Variants in EIF2AK3 observed in about 807,000 individuals in gnomAD.
EIF2AK3 encodes eukaryotic translation initiation factor 2 alpha kinase 3.
Under a neutral mutation model 113.5 loss-of-function variants are expected in EIF2AK3, and 50 were observed. That is an observed-to-expected ratio of 0.44 (90% CI 0.35 to 0.56). The LOEUF is 0.56. EIF2AK3 is among the 20% of genes least tolerant of loss of function. The pLI is 0.00. For missense variants in EIF2AK3, 1,185 were observed against 1,378.0 expected (o/e 0.86, Z 2.22); for synonymous variants, 448 against 495.4 (o/e 0.90, Z 1.27).
rs557021903 is a variant in EIF2AK3, at chr2:88,624,456, T to G, written c.308+2511A>C. 3.9e-5 allele frequency among the ~76,000 whole-genome samples: 6 copies of G among 152,200 alleles called. No individual in the cohort carries two copies. In the South Asian group the frequency reaches 1.2e-3, roughly 31 times the overall value. On this transcript the variant is annotated intron_variant, in intron 1 of 16. Coordinates refer to ENST00000303236, the MANE Select transcript of EIF2AK3 (RefSeq NM_004836.7). ...CAATTTGAGTATTGTCTCTGCTGCT[T>G]CATTTAAACTCTTTAAGTGTGCTCA...
intron 6 of EIF2AK3, 125 bp downstream of exon 6, chr2:88,590,316 AAC>A: frequency 1.1e-6 from 1 of 923,420 alleles, no homozygotes; most frequent in Non-Finnish European, 1.7e-6. Context: ...TCTCAAGGGC[AAC>A]GTACATCAGA....
chr2:88,587,873 G>A (rs1301492757), intron 8 of EIF2AK3, 109 bp downstream of exon 8: 1 of 748,252 alleles, frequency 1.3e-6, no homozygotes, highest in Non-Finnish European at 2.0e-6. Context: ...TCATGAAATT[G>A]TCTCCCAAGA....
At chr2:88,557,986 G>C in intron 16 of EIF2AK3, 50 bp from the exon 17 acceptor site, 1 of 1,567,422 alleles carries the variant, frequency 6.4e-7, no homozygotes, top group Non-Finnish European at 8.8e-7. Flanking sequence ...TTTGATCACT[G>C]TACAGTTTTT....
intron 6 of EIF2AK3, 103 bp downstream of exon 6, chr2:88,590,340 G>T: frequency 1.8e-6 from 2 of 1,141,738 alleles, no homozygotes; most frequent in Non-Finnish European, 2.6e-6. Context: ...ATGATATTAG[G>T]ATTTAAAACT....
chr2:88,613,976 C>T lies in EIF2AK3; in HGVS notation c.309-123G>A, dbSNP rs368227408. 4.9e-6 allele frequency: 4 copies of T among 809,362 alleles called. No individual in the cohort carries two copies. The Admixed American group carries it at 9.5e-5, about 19-fold the overall frequency. 50.1% of individuals were successfully genotyped at this position (809,362 alleles called of 1,614,324 possible). A position where few individuals can be genotyped will look rare whatever the true frequency, so the allele number is the denominator to read the frequency against. ...CTATTCGTAGAAAGGAAGAGGGGGC[C>T]TTCTACCACTCTTGCCACCACTGTC... On this transcript the variant is annotated intron_variant, in intron 1 of 16. Coordinates refer to ENST00000303236, the MANE Select transcript of EIF2AK3 (RefSeq NM_004836.7).
Position 88,611,830 on chromosome 2 carries a change from G to A in EIF2AK3, c.438+1894C>T, listed in dbSNP as rs553921800. Reference sequence around the variant, plus strand: ...TATTTAGACGGGGTTTTACTATGTTGGCCAGGCTGGTCTCAAACTCCTGAC... The same window carrying A: ...TATTTAGACGGGGTTTTACTATGTTAGCCAGGCTGGTCTCAAACTCCTGAC... On this transcript the variant is annotated intron_variant, in intron 2 of 16. Transcript: ENST00000303236. 2.0e-5 allele frequency among the ~76,000 whole-genome samples: 3 copies of A among 152,132 alleles called. No homozygotes were observed. In the South Asian group the frequency reaches 6.2e-4, roughly 32 times the overall value.
chr2:88,606,085 G>A (rs1181334763), intron 2 of EIF2AK3, among the ~76,000 whole-genome samples: 2 of 152,152 alleles, frequency 1.3e-5, no homozygotes, highest in Non-Finnish European at 2.9e-5. Flanking sequence ...CAAGAGCAGA[G>A]AAATATCAAG....
intron 1 of EIF2AK3, among the ~76,000 whole-genome samples, chr2:88,620,507 T>G (rs1483330185): frequency 6.6e-6 from 1 of 152,240 alleles, no homozygotes; most frequent in Non-Finnish European, 1.5e-5. Flanking sequence ...GCAAAGGAAC[T>G]TCACTTTTTA....
chr2:88,562,276 G>A lies in EIF2AK3; in HGVS notation c.3087+13C>T. ...TGTTTGAAACTTTTTTTTTGAGTAG[G>A]GAGGGTACTTACCCTGACTCTCTCC... is the stretch of plus-strand genomic sequence containing the variant. On this transcript the variant is annotated intron_variant, in intron 15 of 16. Transcript: ENST00000303236. 1 of 1,601,046 alleles carries A rather than the reference G, an allele frequency of 6.2e-7. No homozygotes were observed. Among genetic ancestry groups the A allele is most frequent in the Middle Eastern group, 1.7e-4 (1 of 6,036 alleles).
chr2:88,560,215 G>A (rs1388603367), intron 15 of EIF2AK3, among the ~76,000 whole-genome samples: 1 of 152,150 alleles, frequency 6.6e-6, no homozygotes, highest in African/African-American at 2.4e-5. Flanking sequence ...GCCCAACGAT[G>A]TTGAGCATCT....
intron 15 of EIF2AK3, among the ~76,000 whole-genome samples, chr2:88,559,603 G>GGA (rs147739928): frequency 4.3e-4 from 65 of 150,024 alleles, no homozygotes; most frequent in Admixed American, 1.5e-3. Context: ...AAGAGAAAGG[G>GGA]GAGAGAGAGA....
chr2:88,609,722 TC>T (rs1232441263), intron 2 of EIF2AK3, among the ~76,000 whole-genome samples: 4 of 152,120 alleles, frequency 2.6e-5, no homozygotes, highest in Admixed American at 2.6e-4. Flanking sequence ...GTAGACATTT[TC>T]TAAAAAATGA....
At position 88,590,489 on chromosome 2, in the gene EIF2AK3, GTCT is replaced by G. The variant is rs1399239293; in HGVS notation, c.1116_1118del (p.Glu372del). The G allele has an allele frequency of 6.2e-7, 1 of 1,613,732 alleles. No individual in the cohort carries two copies. Among genetic ancestry groups the G allele is most frequent in the Non-Finnish European group, 8.5e-7 (1 of 1,179,928 alleles). ...TGGCTCCTCTGGCAGCTTCTACAAT[GTCT>G]TCTTCATCTTCTAAAACATCATCAT... On this transcript the variant is annotated inframe_deletion, in exon 6 of 17. Coordinates refer to ENST00000303236, the MANE Select transcript of EIF2AK3 (RefSeq NM_004836.7).
rs1675902096 is a variant in EIF2AK3, at chr2:88,627,455, G to GTGA, written c.-184_-182dup. 1.4e-6 allele frequency: 1 copy of GTGA among 700,662 alleles called. No homozygotes were observed. Among genetic ancestry groups the GTGA allele is most frequent in the Non-Finnish European group, 2.0e-6 (1 of 489,770 alleles). The allele number at this position is 700,662 out of a possible 1,614,324, so 43.4% of individuals were successfully genotyped here. Reference sequence around the variant, plus strand: ...CCCGGCCTCTGCCGCTGCCACCTGAGTGACAGCCTATCTCGGACATCGCCC... The same window carrying GTGA: ...CCCGGCCTCTGCCGCTGCCACCTGAGTGATGACAGCCTATCTCGGACATCGCCC... On this transcript the variant is annotated 5_prime_UTR_variant, in exon 1 of 17. Coordinates refer to ENST00000303236, the MANE Select transcript of EIF2AK3 (RefSeq NM_004836.7).
rs1292403664 is a variant in EIF2AK3, at chr2:88,588,057, T to C, written c.1354A>G (p.Lys452Glu). ...GAAAACTTATCATTACTGAGACATT[T>C]GTCAAATTCATCAGATCCTACCAAG... ...PVLVGSDEFDKCLSNDKFSHE... is the reference protein window; with the variant it reads ...PVLVGSDEFDECLSNDKFSHE... Residue 452 changes from lysine to glutamate, a missense_variant, in exon 8 of 17, where the codon AAA (lysine) becomes GAA (glutamate). By Grantham distance (56) the Lys-to-Glu change is moderately conservative. This residue lies in a region of EIF2AK3 where 877 missense variants were observed against 1,024.2 expected (regional missense o/e 0.86). Coordinates refer to ENST00000303236, the MANE Select transcript of EIF2AK3 (RefSeq NM_004836.7). 6.4e-7 allele frequency: 1 copy of C among 1,567,888 alleles called. No individual in the cohort carries two copies. The highest frequency in any genetic ancestry group is 1.7e-5 in the Admixed American group (1 of 59,508).
rs188760451 is a variant in EIF2AK3 at position 88,560,565 on chromosome 2, C to T, written c.3088-1586G>A. Among the ~76,000 whole-genome samples, 4 of 152,336 alleles carry T rather than the reference C, an allele frequency of 2.6e-5. No individual in the cohort carries two copies. The East Asian group carries it at 7.7e-4, about 29-fold the overall frequency. ...ACGTAGCTGGGACTACAGGCATGTG[C>T]TACCACGTCCACCTTGTCTTTTCAC... On this transcript the variant is annotated intron_variant, in intron 15 of 16. Transcript: ENST00000303236.
In EIF2AK3 at chr2:88,610,131, A is replaced by AAAAAC. The variant is rs542477784; in HGVS notation, c.438+3588_438+3592dup. Among the ~76,000 whole-genome samples the AAAAAC allele has an allele frequency of 4.5e-3, 680 of 152,220 alleles. 3 individuals are homozygous for AAAAAC. The highest frequency in any genetic ancestry group is 0.01 in the Middle Eastern group (3 of 294). ...AGTGAGACCCTGTCTCTAAAAGACA[A>AAAAAC]AAAACAAAACAAAACAAAACAACTT... On this transcript the variant is annotated intron_variant, in intron 2 of 16. Transcript: ENST00000303236.
At chr2:88,603,900 AAAC>A (rs1675209591) in intron 2 of EIF2AK3, among the ~76,000 whole-genome samples, 1 of 152,086 alleles carries the variant, frequency 6.6e-6, no homozygotes. Flanking sequence ...ACTCATATCT[AAAC>A]AACACATGTT....
At chr2:88,566,911 A>G (rs560824636) in intron 14 of EIF2AK3, among the ~76,000 whole-genome samples, 2 of 152,288 alleles carry the variant, frequency 1.3e-5, no homozygotes, top group African/African-American at 2.4e-5. Context: ...TCACATGACT[A>G]TACTCCAGCC....
Sources: allele counts gnomAD v4.1 joint callset (sites outside exome capture counted in the v4.1 genomes callset), GRCh38; gene constraint gnomAD v4.1.1; regional missense constraint gnomAD v4.1.1; transcripts MANE v1.5; gene names NCBI Gene and HGNC (gene_info 2026-07-23, HGNC 2026-07-21).